Variants in NREP observed in about 807,000 individuals in gnomAD.
The protein encoded by NREP is neuronal regeneration-related protein.
NREP carries 5 observed loss-of-function variants against 8.6 expected under a neutral mutation model. That is an observed-to-expected ratio of 0.58 (90% CI 0.30 to 1.22). The LOEUF is 1.22. NREP is among the 50% of genes most tolerant of loss of function. The pLI, the probability that NREP is intolerant of heterozygous loss-of-function variation, is 0.07. For missense variants in NREP, 86 were observed against 82.5 expected (o/e 1.04, Z -0.17); for synonymous variants, 27 against 28.0 (o/e 0.96, Z 0.11).
intron 2 of NREP, among the ~76,000 whole-genome samples, chr5:111,889,545 C>G (rs991773217): frequency 6.6e-6 from 1 of 152,176 alleles, no homozygotes; most frequent in East Asian, 1.9e-4. Flanking sequence ...TATAATCATC[C>G]CTTCTCAATA....
intron 2 of NREP, among the ~76,000 whole-genome samples, chr5:111,790,347 CTTTTTTTTTTTTTTTTTTTTTTTT>C (rs57775701): frequency 6.7e-5 from 4 of 59,594 alleles, no homozygotes; most frequent in Non-Finnish European, 1.1e-4. Context: ...AAAACCTTAA[CTTTTTTTTTTTTTTTTTTTTTTTT>C]TTTTTTTTTT....
At chr5:111,925,006 G>T (rs1388134434) in intron 2 of NREP, among the ~76,000 whole-genome samples, 1 of 152,062 alleles carries the variant, frequency 6.6e-6, no homozygotes, top group Non-Finnish European at 1.5e-5. Flanking sequence ...ACAACTAAGG[G>T]GTTGAGAAAA....
chr5:111,833,968 G>C (rs896745210), intron 2 of NREP, among the ~76,000 whole-genome samples: 2 of 152,160 alleles, frequency 1.3e-5, no homozygotes, highest in Non-Finnish European at 2.9e-5. Context: ...TCTCCCTATA[G>C]GGCAAAGGGT....
chr5:111,814,203 G>A (rs1421589395), intron 2 of NREP, among the ~76,000 whole-genome samples: 5 of 152,040 alleles, frequency 3.3e-5, no homozygotes, highest in Non-Finnish European at 5.9e-5. Flanking sequence ...TAGATTATTT[G>A]ATATATTTAC....
chr5:111,971,620 G>A (rs1182484331), intron 2 of NREP, among the ~76,000 whole-genome samples: 1 of 152,092 alleles, frequency 6.6e-6, no homozygotes, highest in East Asian at 1.9e-4. Flanking sequence ...ATACATAATG[G>A]GGAAAGAACA....
chr5:111,757,070 G>T, intron 1 of NREP, 66 bp downstream of exon 1: 1 of 324,172 alleles, frequency 3.1e-6, no homozygotes, highest in Non-Finnish European at 4.4e-6. Context: ...TAAGAGCAAC[G>T]GCAAGGAATC....
chr5:111,870,086 G>A (rs901231220), intron 2 of NREP, among the ~76,000 whole-genome samples: 1 of 152,182 alleles, frequency 6.6e-6, no homozygotes, highest in African/African-American at 2.4e-5. Flanking sequence ...TGTACCGACA[G>A]CTCTTGATAC....
chr5:111,830,384 T>G (rs1752736345), intron 2 of NREP, among the ~76,000 whole-genome samples: 1 of 151,918 alleles, frequency 6.6e-6, no homozygotes, highest in Non-Finnish European at 1.5e-5. Context: ...ACTGGAAGAG[T>G]CAATCCTAAA....
intron 2 of NREP, among the ~76,000 whole-genome samples, chr5:111,865,092 C>T (rs1753635325): frequency 6.6e-6 from 1 of 152,082 alleles, no homozygotes; most frequent in Non-Finnish European, 1.5e-5. Flanking sequence ...CAATAGACAG[C>T]ATGCTCCTCT....
intron 2 of NREP, among the ~76,000 whole-genome samples, chr5:111,812,461 A>G (rs1167292725): frequency 6.6e-6 from 1 of 152,180 alleles, no homozygotes; most frequent in African/African-American, 2.4e-5. Flanking sequence ...GTAATGTATT[A>G]ATAGCTAAAA....
At chr5:111,884,460 C>T (rs1754181844) in intron 2 of NREP, among the ~76,000 whole-genome samples, 1 of 152,052 alleles carries the variant, frequency 6.6e-6, no homozygotes, top group African/African-American at 2.4e-5. Flanking sequence ...GGGAATCCTC[C>T]CTAACTCATT....
intron 1 of NREP, among the ~76,000 whole-genome samples, chr5:111,976,556 T>C (rs1756969602): frequency 1.3e-5 from 2 of 152,204 alleles, no homozygotes; most frequent in Non-Finnish European, 2.9e-5. Flanking sequence ...CATAAAATAT[T>C]TGTATTCATA....
At chr5:111,885,554 C>T (rs1754220428) in intron 2 of NREP, among the ~76,000 whole-genome samples, 1 of 152,166 alleles carries the variant, frequency 6.6e-6, no homozygotes, top group African/African-American at 2.4e-5. Context: ...AGGCATCACG[C>T]TACCTGACTT....
chr5:111,785,988 T>C (rs1403676421), intron 2 of NREP, among the ~76,000 whole-genome samples: 1 of 152,198 alleles, frequency 6.6e-6, no homozygotes, highest in Non-Finnish European at 1.5e-5. Flanking sequence ...TCTCTTTTTA[T>C]CACGTAGTGT....
chr5:111,917,145 T>C (rs536867513), intron 2 of NREP, among the ~76,000 whole-genome samples: 40 of 152,112 alleles, frequency 2.6e-4, no homozygotes, highest in Non-Finnish European at 4.4e-4. Context: ...ACTTTGGAGG[T>C]GAGCATGCAC....
At chr5:111,850,077 T>C (rs992927758) in intron 2 of NREP, among the ~76,000 whole-genome samples, 3 of 152,176 alleles carry the variant, frequency 2.0e-5, no homozygotes, top group Non-Finnish European at 4.4e-5. Flanking sequence ...CTTTATGTCA[T>C]TTGACAGTTA....
chr5:111,736,360 C>T (rs1357334759), intron 2 of NREP, among the ~76,000 whole-genome samples: 1 of 152,178 alleles, frequency 6.6e-6, no homozygotes, highest in Non-Finnish European at 1.5e-5. Context: ...TCTGTCAGGG[C>T]TAATTCACAT....
At chr5:111,797,062 A>AAGATAGATAGATAGATAGAT (rs58573941) in intron 2 of NREP, among the ~76,000 whole-genome samples, 1 of 147,334 alleles carries the variant, frequency 6.8e-6, no homozygotes, top group Non-Finnish European at 1.5e-5. Flanking sequence ...AGTGTCTACT[A>AAGATAGATAGATAGATAGAT]AGATAGATAG....
At chr5:111,828,435 T>C (rs1166266364) in intron 2 of NREP, among the ~76,000 whole-genome samples, 1 of 151,892 alleles carries the variant, frequency 6.6e-6, no homozygotes, top group Admixed American at 6.6e-5. Context: ...AAGAGTATTA[T>C]AGAAAAAAAA....
Sources: allele counts gnomAD v4.1 joint callset (sites outside exome capture counted in the v4.1 genomes callset), GRCh38; gene constraint gnomAD v4.1.1; transcripts MANE v1.5; gene names NCBI Gene and HGNC (gene_info 2026-07-23, HGNC 2026-07-21).